Variants in LYRM4 observed in about 807,000 individuals in gnomAD.
The protein encoded by LYRM4 is LYR motif-containing protein 4.
LYRM4 carries 9 observed loss-of-function variants against 11.7 expected under a neutral mutation model. The ratio of observed to expected loss-of-function variants is 0.77; its 90% CI spans 0.46 to 1.34. LYRM4 has a LOEUF of 1.34. Among genes scored for constraint, LYRM4 ranks in the 40% most tolerant of loss-of-function variants. LYRM4 has a pLI of 0.00. For missense variants in LYRM4, 133 were observed against 112.5 expected (o/e 1.18, Z -0.82); for synonymous variants, 42 against 40.4 (o/e 1.04, Z -0.15).
At chr6:5,245,101 AAAAAAAAAAAAAATATATATATATAT>A (rs1157135818) in intron 1 of LYRM4, among the ~76,000 whole-genome samples, 72 of 55,104 alleles carry the variant, frequency 1.3e-3, no homozygotes, top group African/African-American at 3.5e-3. Context: ...AAAAAAAAAA[AAAAAAAAAAAAAATATATATATATAT>A]ATATATATAT....
the LYRM4 span, among the ~76,000 whole-genome samples, chr6:5,047,516 G>C: frequency 1.3e-5 from 2 of 152,144 alleles, no homozygotes; most frequent in African/African-American, 2.4e-5. Flanking sequence ...GGATCCACTT[G>C]ACTTCAGAGC....
intron 1 of LYRM4, among the ~76,000 whole-genome samples, chr6:5,243,273 G>A (rs766339): frequency 0.28 from 42,951 of 152,040 alleles, 7,556 homozygotes; most frequent in African/African-American, 0.5. Flanking sequence ...GCTCATGCCC[G>A]GGGCGCACAG....
At chr6:5,184,591 G>A (rs1261906696) in intron 2 of LYRM4, among the ~76,000 whole-genome samples, 3 of 152,164 alleles carry the variant, frequency 2.0e-5, no homozygotes, top group African/African-American at 7.2e-5. Context: ...CTTAGAAAAT[G>A]GATCTTGTTC....
rs1204480984 is a variant in LYRM4 at position 5,187,002 on chromosome 6, T to C, written c.207+29616A>G. 8.6e-6 allele frequency: 8 copies of C among 927,976 alleles called. No individual in the cohort carries two copies. The African/African-American group carries it at 1.1e-4, about 13-fold the overall frequency. 57.5% of individuals were successfully genotyped at this position (927,976 alleles called of 1,614,324 possible). ...CCATCTTAAAAAAAAAAAAAAATTGTCTATAAAAGAATAGTAAATGGGGCC... is the reference window on the plus strand; with the variant it reads ...CCATCTTAAAAAAAAAAAAAAATTGCCTATAAAAGAATAGTAAATGGGGCC... On this transcript the variant is annotated intron_variant, in intron 2 of 2. Coordinates refer to ENST00000330636, the MANE Select transcript of LYRM4 (RefSeq NM_020408.6).
At chr6:5,060,274 T>C in the LYRM4 span, among the ~76,000 whole-genome samples, 1 of 152,166 alleles carries the variant, frequency 6.6e-6, no homozygotes, top group East Asian at 1.9e-4. Context: ...TTTTCAAAGA[T>C]GGTGGGAATA....
At chr6:5,255,371 A>G (rs2127778944) in intron 1 of LYRM4, among the ~76,000 whole-genome samples, 1 of 152,328 alleles carries the variant, frequency 6.6e-6, no homozygotes, top group Non-Finnish European at 1.5e-5. Context: ...TAAGCCAAAC[A>G]TGAAAGAGAC....
chr6:5,237,473 T>C, intron 1 of LYRM4, among the ~76,000 whole-genome samples: 1 of 152,112 alleles, frequency 6.6e-6, no homozygotes, highest in South Asian at 2.1e-4. Context: ...ATTATTTCAT[T>C]ATATAGTACA....
In LYRM4 at chr6:5,140,915, A is replaced by G. The variant is rs556507800; in HGVS notation, c.208-31424T>C. On this transcript the variant is annotated intron_variant, in intron 2 of 2. Coordinates refer to ENST00000330636, the MANE Select transcript of LYRM4 (RefSeq NM_020408.6). The stretch of plus-strand genomic sequence containing the variant: ...TAAATAACCAACCAAATGGATTTAA[A>G]AGCCTTCCAACTTGTTGTTCAGGTG... Among the ~76,000 whole-genome samples the G allele has an allele frequency of 9.8e-5, 15 of 152,336 alleles. No homozygotes were observed. In the East Asian group the frequency reaches 2.9e-3, roughly 29 times the overall value.
chr6:5,182,008 G>A (rs1456476105), intron 2 of LYRM4, among the ~76,000 whole-genome samples: 5 of 151,944 alleles, frequency 3.3e-5, no homozygotes, highest in Non-Finnish European at 5.9e-5. Flanking sequence ...GTTGAACCAA[G>A]CAAAAAAATA....
chr6:5,110,714 A>C (rs1762842660), intron 2 of LYRM4, among the ~76,000 whole-genome samples: 1 of 152,200 alleles, frequency 6.6e-6, no homozygotes, highest in Non-Finnish European at 1.5e-5. Flanking sequence ...GGTAGGTAGG[A>C]GTTATGGGAA....
the LYRM4 span, among the ~76,000 whole-genome samples, chr6:5,037,009 A>ATTTTTTTTTTTT: frequency 8.4e-4 from 24 of 28,720 alleles, 3 homozygotes; most frequent in South Asian, 2.5e-3. Context: ...TTTAGCTTGT[A>ATTTTTTTTTTTT]TTTTTTTTTT....
intron 2 of LYRM4, among the ~76,000 whole-genome samples, chr6:5,176,746 G>A (rs1422002187): frequency 6.6e-6 from 1 of 152,196 alleles, no homozygotes; most frequent in Admixed American, 6.5e-5. Context: ...CAAGGATAAT[G>A]ACAGCTGATT....
the LYRM4 span, chr6:5,085,693 C>G: frequency 6.5e-7 from 1 of 1,547,996 alleles, no homozygotes; most frequent in Non-Finnish European, 8.7e-7. Flanking sequence ...CCCCCAGGAG[C>G]AGGAGGAGCT....
At chr6:5,034,971 G>T in the LYRM4 span, among the ~76,000 whole-genome samples, 1 of 151,600 alleles carries the variant, frequency 6.6e-6, no homozygotes, top group Non-Finnish European at 1.5e-5. Context: ...AAAAATACCC[G>T]CTGAGTGCTA....
chr6:5,233,404 A>G lies in LYRM4; in HGVS notation c.87-16666T>C, dbSNP rs138084875. ...CAAAACAATCACAAAGAATACTTGA[A>G]TATTAAAGCAGTGGAGAAGCCCTGG... On this transcript the variant is annotated intron_variant, in intron 1 of 2. Transcript: ENST00000330636. 6.4e-4 allele frequency among the ~76,000 whole-genome samples: 97 copies of G among 152,338 alleles called. 1 individual carries two copies. The highest frequency in any genetic ancestry group is 2.3e-3 in the African/African-American group (94 of 41,582).
chr6:5,050,636 C>G, the LYRM4 span, among the ~76,000 whole-genome samples: 2 of 151,942 alleles, frequency 1.3e-5, no homozygotes, highest in Non-Finnish European at 2.9e-5. Flanking sequence ...AGTCATCACA[C>G]AAGCCTAGGG....
chr6:5,052,192 C>T, the LYRM4 span, among the ~76,000 whole-genome samples: 4 of 152,120 alleles, frequency 2.6e-5, no homozygotes, highest in Admixed American at 1.3e-4. Flanking sequence ...ATAAAGATCT[C>T]TGGCAAAAGT....
At chr6:5,181,153 G>A (rs1760048622) in intron 2 of LYRM4, among the ~76,000 whole-genome samples, 4 of 152,026 alleles carry the variant, frequency 2.6e-5, no homozygotes, top group South Asian at 4.2e-4. Context: ...CAAGGTTTTC[G>A]TTTGTTTGTT....
chr6:5,154,690 G>A (rs1395780109), intron 2 of LYRM4, among the ~76,000 whole-genome samples: 3 of 152,108 alleles, frequency 2.0e-5, no homozygotes, highest in Non-Finnish European at 4.4e-5. Context: ...GTGGTGTCAC[G>A]CGCCTGTAGT....
Sources: allele counts gnomAD v4.1 joint callset (sites outside exome capture counted in the v4.1 genomes callset), GRCh38; gene constraint gnomAD v4.1.1; transcripts MANE v1.5; gene names NCBI Gene and HGNC (gene_info 2026-07-23, HGNC 2026-07-21).